The following ZFAT variants were observed in gnomAD, a reference collection of about 807,000 sequenced individuals.
ZFAT encodes the protein zinc finger protein ZFAT.
Under a neutral mutation model 117.7 loss-of-function variants are expected in ZFAT, and 64 were observed. That is an observed-to-expected ratio of 0.54 (90% CI 0.44 to 0.67). ZFAT has a LOEUF of 0.67. Among genes scored for constraint, ZFAT ranks in the 30% least tolerant of loss-of-function variants. The pLI is 0.00. For missense variants in ZFAT, 1,433 were observed against 1,584.5 expected (o/e 0.90, Z 1.62); for synonymous variants, 679 against 615.0 (o/e 1.10, Z -1.54).
intron 15 of ZFAT, among the ~76,000 whole-genome samples, chr8:134,506,139 G>A (rs1479183741): frequency 6.6e-6 from 1 of 152,158 alleles, no homozygotes; most frequent in East Asian, 1.9e-4. Flanking sequence ...TGTGCGGCTA[G>A]CTGTCTTCCA....
At chr8:134,622,159 ACTT>A (rs1436086347) in intron 3 of ZFAT, among the ~76,000 whole-genome samples, 1 of 152,074 alleles carries the variant, frequency 6.6e-6, no homozygotes, top group African/African-American at 2.4e-5. Flanking sequence ...TGGGATGATG[ACTT>A]CTTTCTGGTT....
At chr8:134,577,396 T>C (rs1825386425) in intron 10 of ZFAT, among the ~76,000 whole-genome samples, 1 of 152,346 alleles carries the variant, frequency 6.6e-6, no homozygotes, top group Admixed American at 6.5e-5. Flanking sequence ...TTGTAATTAT[T>C]CAATTCCTTT....
the ZFAT span, among the ~76,000 whole-genome samples, chr8:134,750,460 T>C: frequency 6.6e-6 from 1 of 152,208 alleles, no homozygotes; most frequent in Non-Finnish European, 1.5e-5. Flanking sequence ...CTTATTTCAC[T>C]GGATAGGCCC....
the ZFAT span, among the ~76,000 whole-genome samples, chr8:134,831,661 C>G: frequency 6.6e-6 from 1 of 152,136 alleles, no homozygotes; most frequent in East Asian, 1.9e-4. Flanking sequence ...GCGGCCCCCA[C>G]GCCCGGTCCC....
intron 15 of ZFAT, among the ~76,000 whole-genome samples, chr8:134,494,393 C>T (rs989570223): frequency 5.3e-5 from 8 of 152,140 alleles, no homozygotes; most frequent in East Asian, 1.9e-4. Flanking sequence ...GATAAAGCTG[C>T]GGGGACAGGA....
chr8:134,711,059 G>A (rs896280505), intron 1 of ZFAT, among the ~76,000 whole-genome samples: 3 of 152,268 alleles, frequency 2.0e-5, no homozygotes, highest in Non-Finnish European at 4.4e-5. Context: ...CTGGCTTTAA[G>A]TCTGCTGTTC....
In ZFAT at chr8:134,682,571, C is replaced by A. The variant is rs575012124; in HGVS notation, c.20-24834G>T. On this transcript the variant is annotated intron_variant, in intron 1 of 15. Coordinates refer to ENST00000377838, the MANE Select transcript of ZFAT (RefSeq NM_020863.4). The stretch of plus-strand genomic sequence containing the variant: ...TGGGGAGGCTGAGGTGAGAGGATCG[C>A]TTGAGCCTGGAAGGCGGAGGTTGCA... Among the ~76,000 whole-genome samples, 5 of 152,320 alleles carry A rather than the reference C, an allele frequency of 3.3e-5. No homozygotes were observed. In the East Asian group the frequency reaches 9.6e-4, roughly 29 times the overall value.
chr8:134,763,068 T>C, the ZFAT span, among the ~76,000 whole-genome samples: 4 of 152,146 alleles, frequency 2.6e-5, no homozygotes, highest in Non-Finnish European at 5.9e-5. Context: ...GAGTAATCTT[T>C]AAAAAATGTA....
chr8:134,594,955 C>T (rs377367003), intron 7 of ZFAT: 1 of 152,232 alleles, frequency 6.6e-6, no homozygotes, highest in Non-Finnish European at 1.5e-5. Context: ...TGCTGCCTCA[C>T]ACTTTTGTGT....
At chr8:134,748,669 C>T in the ZFAT span, among the ~76,000 whole-genome samples, 2 of 152,200 alleles carry the variant, frequency 1.3e-5, no homozygotes, top group African/African-American at 4.8e-5. Flanking sequence ...TTTACTGATT[C>T]ACATTCTTAT....
Position 134,637,746 on chromosome 8 carries a change from C to A in ZFAT, c.197-34G>T, listed in dbSNP as rs543961313. The A allele has an allele frequency of 2.5e-6, 4 of 1,599,628 alleles. No homozygotes were observed. The African/African-American group carries it at 4.0e-5, about 16-fold the overall frequency. On this transcript the variant is annotated intron_variant, in intron 2 of 15. Transcript: ENST00000377838. ...GAAACAAGAGGGCACAATGGAATCA[C>A]GTGAGACGGCAGTGCAGGGTTCACA...
chr8:134,791,011 A>C, the ZFAT span, among the ~76,000 whole-genome samples: 1 of 151,914 alleles, frequency 6.6e-6, no homozygotes, highest in African/African-American at 2.4e-5. Context: ...AAAAATATAT[A>C]ATTTCTTCAA....
At chr8:134,649,656 G>A (rs750575719) in intron 2 of ZFAT, among the ~76,000 whole-genome samples, 4 of 152,170 alleles carry the variant, frequency 2.6e-5, no homozygotes, top group Non-Finnish European at 4.4e-5. Flanking sequence ...TCAAGGAGGA[G>A]TAAGACTTGA....
At chr8:134,589,617 C>G (rs575369268) in intron 8 of ZFAT, among the ~76,000 whole-genome samples, 13 of 152,218 alleles carry the variant, frequency 8.5e-5, no homozygotes, top group South Asian at 4.1e-4. Context: ...GTCACAGTGA[C>G]TTGAGCACAG....
At chr8:134,552,407 T>C (rs1019893438) in intron 11 of ZFAT, among the ~76,000 whole-genome samples, 2 of 152,234 alleles carry the variant, frequency 1.3e-5, no homozygotes, top group African/African-American at 4.8e-5. Flanking sequence ...CAGGAAAAGT[T>C]TCTCAATGAT....
intron 1 of ZFAT, chr8:134,673,152 C>T (rs1202026735): frequency 7.0e-6 from 1 of 143,074 alleles, no homozygotes; most frequent in Non-Finnish European, 1.5e-5. Context: ...TAACTTGACT[C>T]TCAACCCTTG....
At chr8:134,827,510 G>A in the ZFAT span, among the ~76,000 whole-genome samples, 1 of 152,020 alleles carries the variant, frequency 6.6e-6, no homozygotes, top group Non-Finnish European at 1.5e-5. Flanking sequence ...GCTAACACCT[G>A]TAATCCCAGC....
intron 1 of ZFAT, among the ~76,000 whole-genome samples, chr8:134,658,198 A>G (rs981412889): frequency 9.9e-5 from 15 of 152,142 alleles, no homozygotes; most frequent in African/African-American, 3.6e-4. Flanking sequence ...TTAGCCAGGC[A>G]TGGCAGCGTG....
intron 1 of ZFAT, among the ~76,000 whole-genome samples, chr8:134,667,973 C>G (rs138493760): frequency 6.6e-6 from 1 of 152,308 alleles, no homozygotes; most frequent in African/African-American, 2.4e-5. Context: ...CCGCGCATGG[C>G]TCCGTGGGTC....
Sources: allele counts gnomAD v4.1 joint callset (sites outside exome capture counted in the v4.1 genomes callset), GRCh38; gene constraint gnomAD v4.1.1; transcripts MANE v1.5; gene names NCBI Gene and HGNC (gene_info 2026-07-23, HGNC 2026-07-21).